Variants in IL1RAPL1 observed in about 807,000 individuals in gnomAD.
The protein encoded by IL1RAPL1 is interleukin 1 receptor accessory protein like 1.
IL1RAPL1 carries 3 observed loss-of-function variants against 48.4 expected under a neutral mutation model. That is an observed-to-expected ratio of 0.06 (90% CI 0.03 to 0.16). The LOEUF (loss-of-function observed/expected upper bound fraction) is 0.16, where lower values mean the gene tolerates loss of function less well. IL1RAPL1 is among the 10% of genes least tolerant of loss of function. The probability of loss-of-function intolerance (pLI) is 1.00; values close to 1 mark genes in which losing one functional copy is unlikely to be tolerated. For missense variants in IL1RAPL1, 349 were observed against 530.6 expected (o/e 0.66, Z 3.36); for synonymous variants, 185 against 187.7 (o/e 0.99, Z 0.12).
chrX:29,623,294 A>G (rs773855960), intron 5 of IL1RAPL1, among the ~76,000 whole-genome samples: 87 of 110,070 alleles, frequency 7.9e-4, no homozygotes, highest in African/African-American at 2.8e-3. Context: ...AAAAAAAAAA[A>G]GAAAGAAAGA....
chrX:29,209,930 T>G (rs986686386), intron 2 of IL1RAPL1, among the ~76,000 whole-genome samples: 7 of 111,950 alleles, frequency 6.3e-5, no homozygotes, highest in African/African-American at 2.3e-4. Flanking sequence ...ATTCTTGCCT[T>G]GTTTCTCTAG....
chrX:29,837,272 AATAT>A (rs1229668903), intron 6 of IL1RAPL1, among the ~76,000 whole-genome samples: 25 of 72,125 alleles, frequency 3.5e-4, no homozygotes, highest in Admixed American at 5.2e-4. Context: ...AAAAAAAAAA[AATAT>A]ATATATATAT....
At chrX:29,179,222 C>A (rs770585098) in intron 2 of IL1RAPL1, among the ~76,000 whole-genome samples, 24 of 111,177 alleles carry the variant, frequency 2.2e-4, no homozygotes, top group African/African-American at 6.9e-4. Flanking sequence ...TTCTTCCTAC[C>A]CATGAGCATG....
At chrX:28,663,437 C>T (rs892463655) in intron 1 of IL1RAPL1, among the ~76,000 whole-genome samples, 3 of 112,229 alleles carry the variant, frequency 2.7e-5, no homozygotes, top group Non-Finnish European at 5.6e-5. Context: ...TGACTGAGTA[C>T]TGTTGTATCT....
rs758750164 is a variant in IL1RAPL1 at position 29,587,596 on chromosome X, G to A, written c.704-80834G>A. Among the ~76,000 whole-genome samples the A allele has an allele frequency of 1.2e-4, 13 of 111,811 alleles. No homozygotes were observed. In the East Asian group the frequency reaches 3.4e-3, roughly 29 times the overall value. Reference sequence around the variant, plus strand: ...ATAACTTGATTAGCCATTCCACAATGTATATGTACTTCAAAACATCATGTT... The same window carrying A: ...ATAACTTGATTAGCCATTCCACAATATATATGTACTTCAAAACATCATGTT... On this transcript the variant is annotated intron_variant, in intron 5 of 10. Transcript: ENST00000378993.
At chrX:28,964,636 C>T (rs1371752870) in intron 2 of IL1RAPL1, among the ~76,000 whole-genome samples, 2 of 111,739 alleles carry the variant, frequency 1.8e-5, no homozygotes, top group Non-Finnish European at 1.9e-5. Context: ...AATTTTTACA[C>T]TATTTGATGC....
chrX:29,599,336 A>G (rs759613987), intron 5 of IL1RAPL1, among the ~76,000 whole-genome samples: 17 of 112,225 alleles, frequency 1.5e-4, no homozygotes, highest in Non-Finnish European at 2.8e-4. Flanking sequence ...TAAGGAGGCT[A>G]AAAATCGGAC....
chrX:29,262,453 C>T (rs550477201), intron 2 of IL1RAPL1, among the ~76,000 whole-genome samples: 3 of 110,747 alleles, frequency 2.7e-5, no homozygotes, highest in Non-Finnish European at 3.8e-5. Flanking sequence ...GACCTGAGGT[C>T]GGGAGTTTGA....
At chrX:29,453,399 T>G (rs1252716761) in intron 5 of IL1RAPL1, among the ~76,000 whole-genome samples, 1 of 111,659 alleles carries the variant, frequency 9.0e-6, no homozygotes, top group East Asian at 2.8e-4. Context: ...AAGTCATTAA[T>G]GAGGAAAACG....
chrX:29,448,972 C>T (rs981899893), intron 5 of IL1RAPL1, among the ~76,000 whole-genome samples: 1 of 110,974 alleles, frequency 9.0e-6, no homozygotes, highest in Admixed American at 9.7e-5. Context: ...TCCTGCCCGC[C>T]CTTATGACAT....
chrX:28,764,427 A>G (rs5943543), intron 1 of IL1RAPL1, among the ~76,000 whole-genome samples: 51,636 of 110,451 alleles, frequency 0.47, 8,747 homozygotes, highest in Middle Eastern at 0.63. Flanking sequence ...ATACAGCCGG[A>G]TGCAGTGGCT....
chrX:29,401,564 GTTTTT>G (rs1292970274), intron 5 of IL1RAPL1, among the ~76,000 whole-genome samples: 1 of 109,558 alleles, frequency 9.1e-6, no homozygotes, highest in African/African-American at 3.3e-5. Context: ...AGGAATCACT[GTTTTT>G]TATCTTGGTT....
intron 6 of IL1RAPL1, among the ~76,000 whole-genome samples, chrX:29,841,291 T>C (rs897301097): frequency 6.2e-5 from 7 of 112,255 alleles, no homozygotes; most frequent in African/African-American, 2.3e-4. Context: ...TGACAAAGAA[T>C]ATTATAGGAA....
chrX:28,732,618 T>C (rs1391515224), intron 1 of IL1RAPL1, among the ~76,000 whole-genome samples: 1 of 111,945 alleles, frequency 8.9e-6, no homozygotes, highest in African/African-American at 3.2e-5. Flanking sequence ...GTTTGTTTCA[T>C]CCCAGCACTT....
At chrX:29,236,653 C>T in intron 2 of IL1RAPL1, among the ~76,000 whole-genome samples, 1 of 57,977 alleles carries the variant, frequency 1.7e-5, no homozygotes, top group Non-Finnish European at 3.5e-5. Flanking sequence ...CCTGGGTTCA[C>T]ACCATTCTCC....
At chrX:28,972,231 G>T (rs1241739137) in intron 2 of IL1RAPL1, among the ~76,000 whole-genome samples, 1 of 110,855 alleles carries the variant, frequency 9.0e-6, no homozygotes, top group East Asian at 2.8e-4. Context: ...AAACTTTTTG[G>T]CATGAATTTG....
At chrX:29,701,624 A>AG (rs1459144672) in intron 6 of IL1RAPL1, among the ~76,000 whole-genome samples, 1 of 111,508 alleles carries the variant, frequency 9.0e-6, no homozygotes, top group Non-Finnish European at 1.9e-5. Context: ...GGAGAGGCAG[A>AG]GGGGGCTGGC....
intron 2 of IL1RAPL1, among the ~76,000 whole-genome samples, chrX:28,866,589 G>GCAC (rs1365375948): frequency 2.7e-5 from 3 of 111,951 alleles, no homozygotes; most frequent in Non-Finnish European, 5.6e-5. Flanking sequence ...GGAATCCATT[G>GCAC]CACTAGTGGA....
rs1472092792 is a variant in IL1RAPL1 at position 29,824,141 on chromosome X, T to G, written c.779-93323T>G. On this transcript the variant is annotated intron_variant, in intron 6 of 10. Coordinates refer to ENST00000378993, the MANE Select transcript of IL1RAPL1 (RefSeq NM_014271.4). ...ATAGGCATGGGGAAGCCTGAGACTG[T>G]TTTGATAAGCTCCACTAGGCAATTC... Among the ~76,000 whole-genome samples the G allele has an allele frequency of 4.5e-5, 5 of 111,666 alleles. No individual in the cohort carries two copies. In the Admixed American group the frequency reaches 4.8e-4, roughly 11 times the overall value.
Sources: allele counts gnomAD v4.1 joint callset (sites outside exome capture counted in the v4.1 genomes callset), GRCh38; gene constraint gnomAD v4.1.1; transcripts MANE v1.5; gene names NCBI Gene and HGNC (gene_info 2026-07-23, HGNC 2026-07-21).